LPAR1: variants seen among roughly 807,000 people sequenced by gnomAD.
The protein encoded by LPAR1 is lysophosphatidic acid receptor 1.
In LPAR1, 5 loss-of-function variants were observed where a neutral mutation model predicts 23.8. The observed-to-expected ratio is 0.21, with a 90% CI of 0.11 to 0.44. LPAR1 has a LOEUF of 0.44. Ranked by LOEUF, LPAR1 falls within the 20% of genes least tolerant of loss-of-function variation. LPAR1 has a pLI of 0.99. For synonymous variants in LPAR1, 160 were observed against 164.7 expected (o/e 0.97, Z 0.22); for missense variants, 311 against 482.8 (o/e 0.64, Z 3.33).
chr9:110,991,657 G>A (rs748914941), intron 2 of LPAR1, among the ~76,000 whole-genome samples: 1 of 152,072 alleles, frequency 6.6e-6, no homozygotes, highest in Non-Finnish European at 1.5e-5. Flanking sequence ...TGCCCAGGCT[G>A]GAGTGCAATG....
intron 5 of LPAR1, among the ~76,000 whole-genome samples, chr9:110,933,407 C>G (rs907258163): frequency 4.6e-5 from 7 of 152,180 alleles, no homozygotes; most frequent in African/African-American, 1.7e-4. Flanking sequence ...CATTAAGTGT[C>G]TTCTGTAAGC....
At chr9:111,006,661 T>A (rs897504676) in intron 2 of LPAR1, among the ~76,000 whole-genome samples, 6 of 152,176 alleles carry the variant, frequency 3.9e-5, no homozygotes, top group Admixed American at 1.3e-4. Context: ...CACAGGGGTA[T>A]AAGGTATAAA....
intron 5 of LPAR1, among the ~76,000 whole-genome samples, chr9:110,882,457 G>T (rs2081152268): frequency 6.6e-6 from 1 of 152,214 alleles, no homozygotes; most frequent in Non-Finnish European, 1.5e-5. Context: ...TCTACCGTGT[G>T]TAAGGTCTTT....
At chr9:110,892,806 AAGGAAGGAAGGAAGGAAGGAAGGC>A (rs1419988610) in intron 5 of LPAR1, among the ~76,000 whole-genome samples, 34 of 108,106 alleles carry the variant, frequency 3.1e-4, no homozygotes, top group African/African-American at 8.2e-4. Context: ...GGAAGGAAGG[AAGGAAGGAAGGAAGGAAGGAAGGC>A]AGGCAGGCAG....
chr9:110,971,215 G>A (rs1467432511), intron 4 of LPAR1, among the ~76,000 whole-genome samples: 3 of 152,124 alleles, frequency 2.0e-5, no homozygotes, highest in Non-Finnish European at 2.9e-5. Context: ...ATAGAAAGAA[G>A]ATAAATGAAG....
At chr9:110,921,043 G>A (rs1259879768) in intron 5 of LPAR1, among the ~76,000 whole-genome samples, 1 of 152,072 alleles carries the variant, frequency 6.6e-6, no homozygotes, top group Non-Finnish European at 1.5e-5. Flanking sequence ...GGCTAAAGTG[G>A]GAGAATCCCT....
At chr9:110,908,056 T>C (rs971835180) in intron 5 of LPAR1, among the ~76,000 whole-genome samples, 3 of 151,998 alleles carry the variant, frequency 2.0e-5, no homozygotes, top group Non-Finnish European at 4.4e-5. Context: ...ATAATTCTGC[T>C]TCTCATCAGT....
intron 2 of LPAR1, among the ~76,000 whole-genome samples, chr9:111,031,925 T>A (rs1461755815): frequency 6.6e-6 from 1 of 152,186 alleles, no homozygotes; most frequent in Non-Finnish European, 1.5e-5. Flanking sequence ...AATGGAAGAA[T>A]AACAAGATAC....
chr9:110,968,805 C>G (rs570472242), intron 4 of LPAR1, among the ~76,000 whole-genome samples: 1 of 152,304 alleles, frequency 6.6e-6, no homozygotes, highest in East Asian at 1.9e-4. Flanking sequence ...ATGCACTGGG[C>G]AATATGTGCC....
At chr9:110,979,143 A>G (rs1296323971) in intron 2 of LPAR1, among the ~76,000 whole-genome samples, 1 of 152,152 alleles carries the variant, frequency 6.6e-6, no homozygotes, top group Non-Finnish European at 1.5e-5. Flanking sequence ...TTTGTTAATT[A>G]GCTAGACTTA....
chr9:110,947,223 T>A (rs752811705), intron 4 of LPAR1, among the ~76,000 whole-genome samples: 1 of 152,162 alleles, frequency 6.6e-6, no homozygotes, highest in East Asian at 1.9e-4. Context: ...CAAAGTCCAA[T>A]AAGTACTTTT....
Position 110,941,690 on chromosome 9 carries a change from G to A in LPAR1, c.524C>T (p.Ala175Val), listed in dbSNP as rs750552701. ...VVVIVVIWTMAIVMGAIPSVG... is the reference protein window; with the variant it reads ...VVVIVVIWTMVIVMGAIPSVG... Reference sequence around the variant, plus strand: ...ACTGGGTATAGCACCCATAACGATGGCCATAGTCCAGATGACCACAATGAC... The same window carrying A: ...ACTGGGTATAGCACCCATAACGATGACCATAGTCCAGATGACCACAATGAC... The change falls in exon 5 of 6, where the codon GCC (alanine) becomes GTC (valine). Residue 175 changes from alanine (A) to valine (V), a missense_variant. Physicochemically the swap from Ala to Val is moderately conservative, Grantham distance 64. Coordinates refer to ENST00000683809, the MANE Select transcript of LPAR1 (RefSeq NM_001351411.2). The surrounding 1 kb of genome is among the most constrained non-coding windows in gnomAD (Gnocchi z 6.1). 1 of 1,614,130 alleles carries A rather than the reference G, an allele frequency of 6.2e-7. No individual in the cohort carries two copies. The highest frequency in any genetic ancestry group is 1.1e-5 in the South Asian group (1 of 91,082).
intron 2 of LPAR1, among the ~76,000 whole-genome samples, chr9:111,002,634 G>A (rs2097148758): frequency 1.3e-5 from 2 of 152,192 alleles, no homozygotes; most frequent in Non-Finnish European, 2.9e-5. Flanking sequence ...ATTCATTGCT[G>A]TTTGAGAGCT....
At chr9:110,903,205 G>C (rs1477676281) in intron 5 of LPAR1, 2 of 152,012 alleles carry the variant, frequency 1.3e-5, no homozygotes, top group Non-Finnish European at 2.9e-5. Flanking sequence ...AACAGAAGAA[G>C]AACTTATTGA....
chr9:110,955,714 A>G (rs936574437), intron 4 of LPAR1, among the ~76,000 whole-genome samples: 6 of 121,440 alleles, frequency 4.9e-5, no homozygotes, highest in Non-Finnish European at 3.5e-5. Context: ...TCAGACCACA[A>G]TAGAAAAAAA....
chr9:111,015,763 T>G (rs961227496), intron 2 of LPAR1, among the ~76,000 whole-genome samples: 4 of 152,094 alleles, frequency 2.6e-5, no homozygotes, highest in Non-Finnish European at 4.4e-5. Context: ...TAAAGATGTT[T>G]TCATAAATAA....
At chr9:110,997,443 T>C (rs1349742169) in intron 2 of LPAR1, among the ~76,000 whole-genome samples, 1 of 152,202 alleles carries the variant, frequency 6.6e-6, no homozygotes, top group African/African-American at 2.4e-5. Context: ...GTTATTTTCT[T>C]CTACTAATTC....
At chr9:110,919,644 T>A (rs2093471450) in intron 5 of LPAR1, among the ~76,000 whole-genome samples, 1 of 152,212 alleles carries the variant, frequency 6.6e-6, no homozygotes, top group South Asian at 2.1e-4. Flanking sequence ...TCTTAACTTC[T>A]CACATCACTT....
At chr9:111,026,791 G>A (rs370384488) in intron 2 of LPAR1, among the ~76,000 whole-genome samples, 1 of 152,136 alleles carries the variant, frequency 6.6e-6, no homozygotes, top group Non-Finnish European at 1.5e-5. Context: ...TAATCATGTG[G>A]TTTTTGTCAT....
Sources: gnomAD v4.1 joint callset for allele counts (sites outside exome capture counted in the v4.1 genomes callset) on GRCh38, gnomAD v4.1.1 for gene constraint, Gnocchi (gnomAD v3.1) non-coding constraint, MANE v1.5 for transcripts, NCBI Gene and HGNC (gene_info 2026-07-23, HGNC 2026-07-21) for gene names.